The following UCK1 variants were observed in gnomAD, a reference collection of about 807,000 sequenced individuals.
UCK1 encodes uridine-cytidine kinase 1.
UCK1 carries 20 observed loss-of-function variants against 34.0 expected under a neutral mutation model. The observed-to-expected ratio is 0.59, with a 90% CI of 0.41 to 0.86. The LOEUF is 0.86. UCK1 is among the 40% of genes least tolerant of loss of function. The pLI is 0.00. For missense variants in UCK1, 343 were observed against 383.6 expected (o/e 0.89, Z 0.88); for synonymous variants, 168 against 155.9 (o/e 1.08, Z -0.58).
chr9:131,529,100 C>G, intron 4 of UCK1, 28 bp downstream of exon 4: 1 of 1,613,374 alleles, frequency 6.2e-7, no homozygotes, highest in Non-Finnish European at 8.5e-7. Flanking sequence ...CTCGGCCAGG[C>G]AGGCACGGAG....
chr9:131,529,537 C>T lies in UCK1; in HGVS notation c.316G>A (p.Glu106Lys). The T allele has an allele frequency of 6.2e-7, 1 of 1,614,170 alleles. No individual in the cohort carries two copies. Among genetic ancestry groups the T allele is most frequent in the Non-Finnish European group, 8.5e-7 (1 of 1,180,028 alleles). The part of the protein sequence containing the change: ...LMHRTLKNIV[E>K]GKTVEVPTYD... ...GTCGGCACCTCCACCGTTTTGCCCT[C>T]CACGATGTTCTTCAGAGTCCTGTGC... is the stretch of plus-strand genomic sequence containing the variant. The change falls in exon 3 of 7, where the codon GAG becomes AAG. Residue 106 changes from glutamate to lysine, a missense_variant. Physicochemically the swap from Glu to Lys is moderately conservative, Grantham distance 56. Transcript: ENST00000372215.
In UCK1 at chr9:131,524,131, A is replaced by C. The variant is rs553823990; in HGVS notation, c.*909T>G. ...GGCCATGTCTGCTGGGACCTGGGTG[A>C]TCCAGTGCGTGCCACAGCCAGAAGC... On this transcript the variant is annotated 3_prime_UTR_variant, in exon 7 of 7. Transcript: ENST00000372215. 25 of 152,440 alleles carry C rather than the reference A, an allele frequency of 1.6e-4. No homozygotes were observed. Among genetic ancestry groups the C allele is most frequent in the African/African-American group, 6.0e-4 (25 of 41,562 alleles). The allele number at this position is 152,440 out of a possible 1,614,324, so 9.4% of individuals were successfully genotyped here.
At chr9:131,527,261 G>A (rs909547007) in intron 5 of UCK1, among the ~76,000 whole-genome samples, 6 of 152,110 alleles carry the variant, frequency 3.9e-5, no homozygotes, top group Non-Finnish European at 5.9e-5. Context: ...GTGGAAGGTG[G>A]AGGCTGCAGT....
chr9:131,525,296 C>A, intron 6 of UCK1, 75 bp from the exon 7 acceptor site: 1 of 1,591,038 alleles, frequency 6.3e-7, no homozygotes. Context: ...CCGCAGCACT[C>A]GGCCAGGAGT....
At chr9:131,525,309 G>A (rs1588527462) in intron 6 of UCK1, 88 bp from the exon 7 acceptor site, 1 of 1,551,400 alleles carries the variant, frequency 6.4e-7, no homozygotes, top group East Asian at 2.3e-5. Context: ...CCAGGAGTGA[G>A]CGCCCAACCT....
At chr9:131,526,778 G>A (rs1950621687) in intron 5 of UCK1, among the ~76,000 whole-genome samples, 1 of 152,236 alleles carries the variant, frequency 6.6e-6, no homozygotes, top group Non-Finnish European at 1.5e-5. Context: ...CAAGTCCTGG[G>A]GACAGCTGTG....
At chr9:131,525,286 C>T (rs1461456886) in intron 6 of UCK1, 65 bp from the exon 7 acceptor site, 2 of 1,603,210 alleles carry the variant, frequency 1.2e-6, no homozygotes, top group East Asian at 4.5e-5. Flanking sequence ...CCGCCCCTCC[C>T]CGCAGCACTC....
intron 5 of UCK1, 97 bp downstream of exon 5, chr9:131,528,847 G>T (rs1405476515): frequency 7.0e-7 from 1 of 1,438,378 alleles, no homozygotes; most frequent in Non-Finnish European, 9.5e-7. Flanking sequence ...TTTTCAATCA[G>T]ATCACTGTCA....
intron 3 of UCK1, 38 bp downstream of exon 3, chr9:131,529,450 G>T (rs1456897913): frequency 6.2e-7 from 1 of 1,611,382 alleles, no homozygotes; most frequent in Admixed American, 1.7e-5. Flanking sequence ...GTCCTAGCTG[G>T]CCCCTCTCCT....
Position 131,531,091 on chromosome 9 carries a change from C to T in UCK1, c.84G>A (p.Val28=). 1 of 1,437,438 alleles carries T rather than the reference C, an allele frequency of 7.0e-7. No homozygotes were observed. The highest frequency in any genetic ancestry group is 9.1e-7 in the Non-Finnish European group (1 of 1,097,854). 89.0% of individuals were successfully genotyped at this position (1,437,438 alleles called of 1,614,324 possible). A position where few individuals can be genotyped will look rare whatever the true frequency, so the allele number is the denominator to read the frequency against. Residue 28 remains valine, a synonymous_variant, in exon 1 of 7, where the codon GTG becomes GTA. Transcript: ENST00000372215. ...RPHQRPFLIG[V]SGGTASGKST... is the part of the protein sequence containing the mutation. ...CCTTCCCGCTGGCAGTGCCGCCGCT[C>T]ACCCCTATCAGGAAGGGCCGCTGGT...
At chr9:131,530,413 G>A in intron 2 of UCK1, 73 bp downstream of exon 2, 1 of 1,577,508 alleles carries the variant, frequency 6.3e-7, no homozygotes, top group Non-Finnish European at 8.7e-7. Flanking sequence ...CCAACCTTGG[G>A]CCCAAGCGCA....
In UCK1 at chr9:131,531,105, A is replaced by G; in HGVS notation, c.70T>C (p.Phe24Leu). ...GTGCCGCCGCTCACCCCTATCAGGA[A>G]GGGCCGCTGGTGCGGACGGTCGGCC... ...PEADRPHQRP[F>L]LIGVSGGTAS... The change falls in exon 1 of 7, where the codon TTC becomes CTC. Residue 24 changes from phenylalanine to leucine, a missense_variant. Coordinates refer to ENST00000372215, the MANE Select transcript of UCK1 (RefSeq NM_031432.5). 6.9e-7 allele frequency: 1 copy of G among 1,449,526 alleles called. No individual in the cohort carries two copies. Among genetic ancestry groups the G allele is most frequent in the Admixed American group, 2.7e-5 (1 of 37,194 alleles). The allele number at this position is 1,449,526 out of a possible 1,614,324, so 89.8% of individuals were successfully genotyped here.
rs143082001 is a variant in UCK1 at position 131,524,812 on chromosome 9, C to T, written c.*228G>A. ...TCAGTGACCTAGAGGGATCTTTAAA[C>T]CGCAACGAGCCTAAGTGGCTGAAAA... On this transcript the variant is annotated 3_prime_UTR_variant, in exon 7 of 7. Transcript: ENST00000372215. 17 of 533,030 alleles carry T rather than the reference C, an allele frequency of 3.2e-5. No homozygotes were observed. In the Admixed American group the frequency reaches 4.6e-4, roughly 15 times the overall value. 33.0% of individuals were successfully genotyped at this position (533,030 alleles called of 1,614,324 possible). A position where few individuals can be genotyped will look rare whatever the true frequency, so the allele number is the denominator to read the frequency against.
rs1950717461 is a variant in UCK1, at chr9:131,528,956, C to G, written c.591G>C (p.Glu197Asp). Residue 197 changes from glutamate to aspartate, a missense_variant, in exon 5 of 7, where the codon GAG becomes GAC. Coordinates refer to ENST00000372215, the MANE Select transcript of UCK1 (RefSeq NM_031432.5). ...YTTFVKPAFEEFCLPTKKYAD... is the reference protein window; with the variant it reads ...YTTFVKPAFEDFCLPTKKYAD... Reference sequence around the variant, plus strand: ...CGAGCACAGGTACCGGCAGGCAGAACTCCTCGAAGGCCGGCTTCACGAAGG... The same window carrying G: ...CGAGCACAGGTACCGGCAGGCAGAAGTCCTCGAAGGCCGGCTTCACGAAGG... 1 of 1,614,046 alleles carries G rather than the reference C, an allele frequency of 6.2e-7. No individual in the cohort carries two copies. The highest frequency in any genetic ancestry group is 8.5e-7 in the Non-Finnish European group (1 of 1,179,980).
In UCK1 at chr9:131,531,137, G is replaced by A. The variant is rs1320737504; in HGVS notation, c.38C>T (p.Ala13Val). 8.3e-6 allele frequency: 12 copies of A among 1,449,890 alleles called. No individual in the cohort carries two copies. The highest frequency in any genetic ancestry group is 8.0e-5 in the Admixed American group (3 of 37,332). 89.8% of individuals were successfully genotyped at this position (1,449,890 alleles called of 1,614,324 possible). Residue 13 changes from alanine (A) to valine (V), a missense_variant, in exon 1 of 7, where the codon GCG becomes GTG. Ala to Val is a moderately conservative substitution (Grantham distance 64). Coordinates refer to ENST00000372215, the MANE Select transcript of UCK1 (RefSeq NM_031432.5). ...SAGGEDCESP[A>V]PEADRPHQRP... ...CTGGTGCGGACGGTCGGCCTCCGGCGCGGGGCTCTCGCAGTCTTCGCCTCC... is the reference window on the plus strand; with the variant it reads ...CTGGTGCGGACGGTCGGCCTCCGGCACGGGGCTCTCGCAGTCTTCGCCTCC...
At position 131,531,224 on chromosome 9, in the gene UCK1, G is replaced by C; in HGVS notation, c.-50C>G. Reference sequence around the variant, plus strand: ...GGTCCCCGCGCCCGCCCCTTCCCCAGGCCCGGCGCGCCCGCCCAGCGCCGA... The same window carrying C: ...GGTCCCCGCGCCCGCCCCTTCCCCACGCCCGGCGCGCCCGCCCAGCGCCGA... On this transcript the variant is annotated 5_prime_UTR_variant, in exon 1 of 7. Transcript: ENST00000372215. 4 of 1,324,814 alleles carry C rather than the reference G, an allele frequency of 3.0e-6. No homozygotes were observed. Among genetic ancestry groups the C allele is most frequent in the Non-Finnish European group, 3.9e-6 (4 of 1,036,486 alleles). The allele number at this position is 1,324,814 out of a possible 1,614,324, so 82.1% of individuals were successfully genotyped here. A position where few individuals can be genotyped will look rare whatever the true frequency, so the allele number is the denominator to read the frequency against.
intron 1 of UCK1, 70 bp from the exon 2 acceptor site, chr9:131,530,715 G>A (rs766599949): frequency 3.2e-5 from 52 of 1,613,566 alleles, no homozygotes; most frequent in Non-Finnish European, 4.2e-5. Flanking sequence ...CCGGCTTCTG[G>A]AGACACTGAC....
intron 5 of UCK1, 124 bp from the exon 6 acceptor site, chr9:131,526,101 T>C (rs1950595382): frequency 9.2e-7 from 1 of 1,082,584 alleles, no homozygotes; most frequent in Non-Finnish European, 1.4e-6. Flanking sequence ...GCTGGTGTCA[T>C]CGGCAAATGG....
In UCK1 at chr9:131,530,099, CCTCT is replaced by C. The variant is rs149109700; in HGVS notation, c.268+383_268+386del. Among the ~76,000 whole-genome samples the C allele has an allele frequency of 1.1e-3, 173 of 152,326 alleles. 1 individual carries two copies. The highest frequency in any genetic ancestry group is 3.9e-3 in the African/African-American group (164 of 41,578). On this transcript the variant is annotated intron_variant, in intron 2 of 6. Coordinates refer to ENST00000372215, the MANE Select transcript of UCK1 (RefSeq NM_031432.5). ...GTTTACCTACCGCCTCCCACACTGG[CCTCT>C]CTGAGGACTTTGCCCCAAAGCACGG...
Sources: allele counts gnomAD v4.1 joint callset (sites outside exome capture counted in the v4.1 genomes callset), GRCh38; gene constraint gnomAD v4.1.1; transcripts MANE v1.5; gene names NCBI Gene and HGNC (gene_info 2026-07-23, HGNC 2026-07-21).